PSMG2: variants seen among roughly 807,000 people sequenced by gnomAD.
The protein encoded by PSMG2 is CD40 ligand-activated specific transcript 3.
Under a neutral mutation model 31.5 loss-of-function variants are expected in PSMG2, and 21 were observed. The observed-to-expected ratio is 0.67, with a 90% CI of 0.47 to 0.96. PSMG2 has a LOEUF of 0.96. Ranked by LOEUF, PSMG2 falls within the 40% of genes least tolerant of loss-of-function variation. PSMG2 has a pLI of 0.00. For synonymous variants in PSMG2, 120 were observed against 110.4 expected (o/e 1.09, Z -0.54); for missense variants, 318 against 321.2 (o/e 0.99, Z 0.08).
At chr18:12,702,531 C>A (rs947583092), upstream of PSMG2, 24 of 1,608,426 alleles carry the variant, frequency 1.5e-5, no homozygotes, top group African/African-American at 4.0e-5. Context: ...CGGAGGCTTT[C>A]TCCGGAGGCA....
At chr18:12,695,356 A>C (rs760506928) in intron 1 of PSMG2, 6 of 1,379,750 alleles carry the variant, frequency 4.3e-6, no homozygotes, top group Non-Finnish European at 6.1e-6. Flanking sequence ...CTGTGCCTAT[A>C]AACATAAATA....
chr18:12,670,694 G>A (rs886877532), intron 1 of PSMG2: 5 of 149,464 alleles, frequency 3.3e-5, no homozygotes, highest in South Asian at 2.2e-4. Flanking sequence ...CTTTGAGATA[G>A]GGTCTTGCTC....
At chr18:12,680,917 G>A (rs1189947730) in intron 1 of PSMG2, 8 of 1,222,644 alleles carry the variant, frequency 6.5e-6, no homozygotes, top group Non-Finnish European at 8.9e-6. Context: ...AAAATTTATT[G>A]GCTGGGCACA....
At chr18:12,724,206 G>A (rs958904721) in intron 5 of PSMG2, 4 of 276,422 alleles carry the variant, frequency 1.4e-5, no homozygotes, top group African/African-American at 6.5e-5. Context: ...GTAGGTTTGG[G>A]GAGTAGGTCA....
upstream of PSMG2, chr18:12,699,791 C>T: frequency 8.7e-7 from 1 of 1,155,620 alleles, no homozygotes; most frequent in Non-Finnish European, 1.2e-6. Flanking sequence ...TCAATATTTA[C>T]TATTAACCAC....
chr18:12,666,646 C>T (rs8083182), intron 1 of PSMG2, among the ~76,000 whole-genome samples: 42,157 of 151,160 alleles, frequency 0.28, 5,987 homozygotes, highest in Non-Finnish European at 0.32. Context: ...GACAGGGTTT[C>T]GCCACATTGC....
At chr18:12,702,914 C>A (rs1049109824), upstream of PSMG2, 4 of 615,996 alleles carry the variant, frequency 6.5e-6, no homozygotes, top group African/African-American at 3.9e-5. Context: ...GGCCCCTCTT[C>A]GCGGCCACCC....
chr18:12,673,081 TA>T, intron 1 of PSMG2: 1 of 1,004,742 alleles, frequency 1.0e-6, no homozygotes, highest in Non-Finnish European at 1.2e-6. Flanking sequence ...TTTATATTAA[TA>T]TTTAAACTAC....
chr18:12,697,492 A>C, intron 1 of PSMG2: 1 of 932,066 alleles, frequency 1.1e-6, no homozygotes, highest in Non-Finnish European at 1.6e-6. Flanking sequence ...TAAACAGTAA[A>C]TAATAAGCTT....
intron 1 of PSMG2, chr18:12,678,044 C>CAA (rs2039207267): frequency 7.4e-7 from 1 of 1,346,206 alleles, no homozygotes; most frequent in African/African-American, 1.4e-5. Context: ...TCACACACAC[C>CAA]AAAAAACAGT....
At chr18:12,704,844 AG>A (rs2040248295) in intron 1 of PSMG2, among the ~76,000 whole-genome samples, 1 of 152,196 alleles carries the variant, frequency 6.6e-6, no homozygotes, top group Non-Finnish European at 1.5e-5. Flanking sequence ...AGGGAATTGC[AG>A]GAGGTAACTA....
intron 1 of PSMG2, among the ~76,000 whole-genome samples, chr18:12,696,493 C>T (rs2039963059): frequency 1.3e-5 from 2 of 148,916 alleles, no homozygotes; most frequent in Non-Finnish European, 1.5e-5. Flanking sequence ...CAGAGCGAGA[C>T]TCCATCTCAA....
intron 1 of PSMG2, among the ~76,000 whole-genome samples, chr18:12,665,392 T>G (rs931610684): frequency 6.6e-6 from 1 of 152,120 alleles, no homozygotes; most frequent in Non-Finnish European, 1.5e-5. Flanking sequence ...ATGCCTTATA[T>G]GTATACTTGT....
chr18:12,682,730 A>G (rs139435853), intron 1 of PSMG2, among the ~76,000 whole-genome samples: 423 of 151,848 alleles, frequency 2.8e-3, no homozygotes, highest in African/African-American at 9.7e-3. Context: ...CCGGGTTCCA[A>G]TGATTCTCAG....
chr18:12,681,996 TAAAAAAAA>T, intron 1 of PSMG2, among the ~76,000 whole-genome samples: 2 of 136,212 alleles, frequency 1.5e-5, no homozygotes, highest in Middle Eastern at 7.2e-3. Context: ...ACTCTGTCTC[TAAAAAAAA>T]AAAGAAAAAA....
intron 1 of PSMG2, chr18:12,663,521 C>T (rs1016695995): frequency 6.6e-6 from 1 of 152,172 alleles, no homozygotes; most frequent in African/African-American, 2.4e-5. Flanking sequence ...AATCCACCCA[C>T]CTCTTCCTCC....
chr18:12,681,530 A>G (rs375169825), intron 1 of PSMG2, among the ~76,000 whole-genome samples: 1 of 152,110 alleles, frequency 6.6e-6, no homozygotes, highest in Admixed American at 6.6e-5. Context: ...GATTACAGGC[A>G]TGAGCTCCTG....
chr18:12,702,955 G>A (rs2040208149), upstream of PSMG2: 1 of 830,724 alleles, frequency 1.2e-6, no homozygotes, highest in Non-Finnish European at 1.8e-6. Flanking sequence ...TGAACCGGCA[G>A]TTAGCTGGAC....
chr18:12,679,511 T>A (rs1334659189), intron 1 of PSMG2, among the ~76,000 whole-genome samples: 2 of 152,130 alleles, frequency 1.3e-5, no homozygotes, highest in African/African-American at 4.8e-5. Flanking sequence ...TAAATTCCAT[T>A]TTTCTCCCCC....
Sources: allele counts gnomAD v4.1 joint callset (sites outside exome capture counted in the v4.1 genomes callset), GRCh38; gene constraint gnomAD v4.1.1; transcripts MANE v1.5; gene names NCBI Gene and HGNC (gene_info 2026-07-23, HGNC 2026-07-21).